SCOC: variants seen among roughly 807,000 people sequenced by gnomAD.
SCOC encodes the protein short coiled coil protein.
In SCOC, 7 loss-of-function variants were observed where a neutral mutation model predicts 9.9. The ratio of observed to expected loss-of-function variants is 0.71; its 90% CI spans 0.40 to 1.33. SCOC has a LOEUF of 1.33. Ranked by LOEUF, SCOC falls within the 40% of genes most tolerant of loss-of-function variation. SCOC has a pLI of 0.01. For missense variants in SCOC, 66 were observed against 89.7 expected (o/e 0.74, Z 1.07); for synonymous variants, 19 against 28.2 (o/e 0.67, Z 1.03).
chr4:140,370,494 CTG>C (rs1416890206), upstream of SCOC, among the ~76,000 whole-genome samples: 9 of 152,156 alleles, frequency 5.9e-5, no homozygotes, highest in Non-Finnish European at 1.0e-4. Flanking sequence ...CTCCTTAAGA[CTG>C]TAATTTATTC....
intron 1 of SCOC, chr4:140,374,102 T>G: frequency 4.3e-6 from 2 of 469,864 alleles, no homozygotes; most frequent in Non-Finnish European, 8.5e-6. Context: ...CGCCTGGACC[T>G]TCCCGTGGCT....
At chr4:140,302,543 T>C (rs771395510) in intron 1 of SCOC, among the ~76,000 whole-genome samples, 5 of 152,196 alleles carry the variant, frequency 3.3e-5, no homozygotes, top group Non-Finnish European at 5.9e-5. Context: ...GAGGCTTTCG[T>C]TCTCCCATTC....
At chr4:140,293,387 G>T in intron 1 of SCOC, 1 of 456,984 alleles carries the variant, frequency 2.2e-6, no homozygotes, top group Non-Finnish European at 4.4e-6. Context: ...GGCACGCCAA[G>T]ACAGGATTGG....
chr4:140,361,791 A>C (rs1160820266), intron 2 of SCOC, among the ~76,000 whole-genome samples: 1 of 152,220 alleles, frequency 6.6e-6, no homozygotes, highest in Non-Finnish European at 1.5e-5. Flanking sequence ...GAGTGACAAG[A>C]ATGGATTCAG....
intron 1 of SCOC, among the ~76,000 whole-genome samples, chr4:140,374,634 G>A (rs568792663): frequency 6.6e-6 from 1 of 152,306 alleles, no homozygotes; most frequent in African/African-American, 2.4e-5. Flanking sequence ...TAGCTTGAAG[G>A]GAATGGAGTT....
chr4:140,299,407 C>A (rs1005706759), intron 1 of SCOC, among the ~76,000 whole-genome samples: 2 of 152,192 alleles, frequency 1.3e-5, no homozygotes, highest in African/African-American at 2.4e-5. Flanking sequence ...TACCCTCACA[C>A]TTTACCATTC....
upstream of SCOC, among the ~76,000 whole-genome samples, chr4:140,369,805 A>C (rs1370593015): frequency 6.8e-6 from 1 of 147,016 alleles, no homozygotes; most frequent in Non-Finnish European, 1.5e-5. Flanking sequence ...ATTTCTATGC[A>C]ATCTCAGTGG....
At chr4:140,264,807 T>G (rs767005634) in intron 1 of SCOC, among the ~76,000 whole-genome samples, 2 of 152,222 alleles carry the variant, frequency 1.3e-5, no homozygotes, top group Admixed American at 6.5e-5. Context: ...ATACACTGAA[T>G]TTTGAATGAT....
At chr4:140,356,447 T>C (rs1727231790) in intron 2 of SCOC, among the ~76,000 whole-genome samples, 3 of 152,246 alleles carry the variant, frequency 2.0e-5, no homozygotes, top group Admixed American at 2.0e-4. Flanking sequence ...CTTGATAATA[T>C]CCTTTACAAA....
At chr4:140,262,769 T>C (rs1730659579) in intron 1 of SCOC, among the ~76,000 whole-genome samples, 2 of 151,772 alleles carry the variant, frequency 1.3e-5, no homozygotes, top group Non-Finnish European at 2.9e-5. Context: ...CTTACAATTA[T>C]GGCGGAGGGG....
rs182941272 is a variant in SCOC, at chr4:140,333,486, T to A, written c.-18-10135T>A. Among the ~76,000 whole-genome samples, 298 of 152,300 alleles carry A rather than the reference T, an allele frequency of 2.0e-3. 1 individual carries two copies. The highest frequency in any genetic ancestry group is 6.9e-3 in the African/African-American group (288 of 41,574). On this transcript the variant is annotated intron_variant, in intron 1 of 4. Transcript: ENST00000394205. Reference sequence around the variant, plus strand: ...AAAATGTAAACTCTGTGATTAGAAGTATTTTGTTTCATTTATGTTATAATC... The same window carrying A: ...AAAATGTAAACTCTGTGATTAGAAGAATTTTGTTTCATTTATGTTATAATC...
intron 2 of SCOC, chr4:140,366,557 C>T: frequency 6.3e-7 from 1 of 1,593,670 alleles, no homozygotes; most frequent in South Asian, 1.1e-5. Flanking sequence ...GTCATCTTGG[C>T]TTTCCTTTCT....
chr4:140,341,162 A>G (rs1035666444), upstream of SCOC, among the ~76,000 whole-genome samples: 11 of 152,208 alleles, frequency 7.2e-5, no homozygotes, highest in African/African-American at 2.2e-4. Context: ...GAATATCAGA[A>G]AAAAGGCAAA....
At position 140,379,094 on chromosome 4, in the gene SCOC, TATATTTCTGA is replaced by T; in HGVS notation, c.-50-24_-50-15del. On this transcript the variant is annotated splice_polypyrimidine_tract_variant and intron_variant, in intron 1 of 3. Transcript: ENST00000608372. ...CTTATAGTTTATTGCTGTATGTGTC[TATATTTCTGA>T]ATTTTTCTTATTGTAGACCATTCCT... The T allele has an allele frequency of 7.2e-7, 1 of 1,384,542 alleles. No individual in the cohort carries two copies. Among genetic ancestry groups the T allele is most frequent in the African/African-American group, 1.4e-5 (1 of 70,554 alleles). 85.8% of individuals were successfully genotyped at this position (1,384,542 alleles called of 1,614,324 possible).
intron 1 of SCOC, among the ~76,000 whole-genome samples, chr4:140,295,018 T>C (rs1731582474): frequency 6.6e-6 from 1 of 152,188 alleles, no homozygotes; most frequent in Admixed American, 6.5e-5. Context: ...GCTTAGGAAA[T>C]AGCCACACAC....
chr4:140,279,266 T>C (rs1731050020), intron 1 of SCOC, among the ~76,000 whole-genome samples: 1 of 152,226 alleles, frequency 6.6e-6, no homozygotes, highest in Non-Finnish European at 1.5e-5. Flanking sequence ...CAGATTTCTT[T>C]ATGACATATT....
chr4:140,264,789 G>T (rs1481795153), intron 1 of SCOC, among the ~76,000 whole-genome samples: 3 of 152,116 alleles, frequency 2.0e-5, no homozygotes, highest in Non-Finnish European at 1.5e-5. Context: ...TTTTTGCATT[G>T]TTTTCACATA....
At position 140,384,551 on chromosome 4, in the gene SCOC, C is replaced by T. The variant is rs1728651691; in HGVS notation, c.*3447C>T. 6.6e-6 allele frequency: 1 copy of T among 152,208 alleles called. No individual in the cohort carries two copies. Among genetic ancestry groups the T allele is most frequent in the African/African-American group, 2.4e-5 (1 of 41,454 alleles). 9.4% of individuals were successfully genotyped at this position (152,208 alleles called of 1,614,324 possible). On this transcript the variant is annotated 3_prime_UTR_variant, in exon 4 of 4. Transcript: ENST00000608372. ...CTTGATGTCTCCAGTTAGTAGTTTT[C>T]CATCCACTGACCTCATCACTGCTCA...
chr4:140,312,934 A>G (rs1461709647), intron 1 of SCOC, among the ~76,000 whole-genome samples: 1 of 152,186 alleles, frequency 6.6e-6, no homozygotes, highest in African/African-American at 2.4e-5. Flanking sequence ...TCAAGACAGA[A>G]ATTAATTTGA....
Sources: allele counts gnomAD v4.1 joint callset (sites outside exome capture counted in the v4.1 genomes callset), GRCh38; gene constraint gnomAD v4.1.1; transcripts MANE v1.5; gene names NCBI Gene and HGNC (gene_info 2026-07-23, HGNC 2026-07-21).